Variants in ANKRD36 observed in about 807,000 individuals in gnomAD.
ANKRD36 encodes the protein ankyrin repeat domain-containing protein 36A.
ANKRD36 carries 179 observed loss-of-function variants against 278.1 expected under a neutral mutation model. The observed-to-expected ratio is 0.64, with a 90% CI of 0.57 to 0.73. ANKRD36 has a LOEUF of 0.73. ANKRD36 is among the 30% of genes least tolerant of loss of function. The pLI, the probability that ANKRD36 is intolerant of heterozygous loss-of-function variation, is 0.00. For synonymous variants in ANKRD36, 320 were observed against 641.1 expected (o/e 0.50, Z 7.57); for missense variants, 1,159 against 1,956.7 (o/e 0.59, Z 7.69).
intron 66 of ANKRD36, among the ~76,000 whole-genome samples, 172 bp from the exon 67 acceptor site, chr2:97,224,634 T>C (rs2068822698): frequency 6.6e-6 from 1 of 152,040 alleles, no homozygotes; most frequent in African/African-American, 2.4e-5. Context: ...TATTTTTTAG[T>C]AGAGACGAGG....
At chr2:97,205,622 T>G (rs546618455) in intron 50 of ANKRD36, among the ~76,000 whole-genome samples, 3 of 151,626 alleles carry the variant, frequency 2.0e-5, no homozygotes, top group Non-Finnish European at 4.4e-5. Context: ...GGTGTGTGAG[T>G]TGCTCCTCTG....
chr2:97,221,782 A>C (rs1291799756), intron 66 of ANKRD36, among the ~76,000 whole-genome samples: 1 of 147,900 alleles, frequency 6.8e-6, no homozygotes, highest in Admixed American at 6.8e-5. Flanking sequence ...CTTTAGTTTA[A>C]TTAGATCCCA....
chr2:97,164,625 T>C (rs1188117918), intron 20 of ANKRD36, among the ~76,000 whole-genome samples, 156 bp downstream of exon 20: 4 of 152,304 alleles, frequency 2.6e-5, no homozygotes, highest in African/African-American at 9.6e-5. Flanking sequence ...TATAAAATGA[T>C]TTTTAAGGCA....
chr2:97,156,359 C>A lies in ANKRD36; in HGVS notation c.1260+1618C>A, dbSNP rs2047434065. Among the ~76,000 whole-genome samples the A allele has an allele frequency of 2.1e-5, 3 of 144,440 alleles. No homozygotes were observed. In the South Asian group the frequency reaches 6.5e-4, roughly 31 times the overall value. The allele number at this position is 144,440 out of a possible 152,430, so 94.8% of individuals were successfully genotyped here. On this transcript the variant is annotated intron_variant, in intron 15 of 75. Transcript: ENST00000420699. ...AGCATCAGGTATATCTCCCAATGCT[C>A]TCCCTCCCCCCTACCCCCACCCCAC...
chr2:97,170,513 A>G (rs1271010838), intron 22 of ANKRD36, among the ~76,000 whole-genome samples: 1 of 152,008 alleles, frequency 6.6e-6, no homozygotes, highest in Non-Finnish European at 1.5e-5. Context: ...CATATGTAGA[A>G]AGCTGAAACT....
intron 44 of ANKRD36, among the ~76,000 whole-genome samples, chr2:97,199,707 AACTAGTGGAT>A (rs2060777734): frequency 6.6e-6 from 1 of 151,912 alleles, no homozygotes. Context: ...CGGAAGGGTA[AACTAGTGGAT>A]ACAAGAAACT....
intron 6 of ANKRD36, among the ~76,000 whole-genome samples, chr2:97,139,303 T>TA (rs572429128): frequency 6.6e-6 from 1 of 151,838 alleles, no homozygotes; most frequent in East Asian, 1.9e-4. Context: ...AATTTTTTTT[T>TA]AAAAAAAGAA....
At chr2:97,184,555 T>G (rs540298832) in intron 28 of ANKRD36, among the ~76,000 whole-genome samples, 6 of 151,726 alleles carry the variant, frequency 4.0e-5, no homozygotes, top group Non-Finnish European at 7.4e-5. Flanking sequence ...TGGACTGATA[T>G]CCAAATGTAA....
At chr2:97,205,224 G>A (rs11894782) in intron 50 of ANKRD36, among the ~76,000 whole-genome samples, 26,663 of 150,758 alleles carry the variant, frequency 0.18, 2,895 homozygotes, top group African/African-American at 0.37. Context: ...GTAGAAATAT[G>A]TCAAAATTGA....
intron 67 of ANKRD36, 124 bp from the exon 68 acceptor site, chr2:97,233,606 A>T (rs1301525723): frequency 6.6e-7 from 1 of 1,509,264 alleles, no homozygotes; most frequent in African/African-American, 1.4e-5. Flanking sequence ...CTTAAAAAAA[A>T]AGTACGGAAC....
intron 58 of ANKRD36, chr2:97,212,670 T>C (rs1024011981): frequency 6.5e-6 from 1 of 154,834 alleles, no homozygotes; most frequent in Non-Finnish European, 1.4e-5. Flanking sequence ...CTTATTAATA[T>C]CTAATGCTTG....
In ANKRD36 at chr2:97,158,121, A is replaced by T; in HGVS notation, c.1275A>T (p.Pro425=). 2 of 1,513,602 alleles carry T rather than the reference A, an allele frequency of 1.3e-6. No homozygotes were observed. Among genetic ancestry groups the T allele is most frequent in the South Asian group, 2.4e-5 (2 of 83,434 alleles). The allele number at this position is 1,513,602 out of a possible 1,614,324, so 93.8% of individuals were successfully genotyped here. A position where few individuals can be genotyped will look rare whatever the true frequency, so the allele number is the denominator to read the frequency against. ...GTGTCTTCTAGAATATTTCAGAACC[A>T]TACTTTACGAACAGAAGGACTATTT... ...FALESENISE[P]YFTNRRTISQ... is the part of the protein sequence containing the mutation. The change falls in exon 16 of 76, where the codon CCA becomes CCT. Residue 425 remains proline (P), a synonymous_variant. Coordinates refer to ENST00000420699, the MANE Select transcript of ANKRD36 (RefSeq NM_001354587.1).
At chr2:97,217,942 A>G (rs2066406061) in intron 64 of ANKRD36, among the ~76,000 whole-genome samples, 2 of 151,872 alleles carry the variant, frequency 1.3e-5, no homozygotes, top group African/African-American at 4.8e-5. Flanking sequence ...ATGCATTTTG[A>G]ATATTTGCAT....
At chr2:97,190,898 G>A in intron 34 of ANKRD36, 80 bp from the exon 35 acceptor site, 1 of 1,562,562 alleles carries the variant, frequency 6.4e-7, no homozygotes, top group Non-Finnish European at 8.7e-7. Flanking sequence ...GATACAGCTG[G>A]ATGCTAACAC....
chr2:97,126,737 G>T, intron 5 of ANKRD36, among the ~76,000 whole-genome samples: 1 of 151,750 alleles, frequency 6.6e-6, no homozygotes. Context: ...AGAAGACATT[G>T]TGCCTAAGAG....
intron 64 of ANKRD36, 74 bp downstream of exon 64, chr2:97,217,446 G>A: frequency 6.5e-7 from 1 of 1,538,970 alleles, no homozygotes; most frequent in Non-Finnish European, 8.7e-7. Context: ...GAATAGATCA[G>A]CAGGGTGCTC....
chr2:97,156,949 AT>A (rs2047614615), intron 15 of ANKRD36, among the ~76,000 whole-genome samples: 1 of 151,664 alleles, frequency 6.6e-6, no homozygotes, highest in Admixed American at 6.6e-5. Flanking sequence ...GGTGGTCTTG[AT>A]TTGCATTTCT....
Position 97,118,368 on chromosome 2 carries a change from T to C in ANKRD36, c.337T>C (p.Cys113Arg). The C allele has an allele frequency of 6.2e-7, 1 of 1,609,720 alleles. No homozygotes were observed. The highest frequency in any genetic ancestry group is 8.5e-7 in the Non-Finnish European group (1 of 1,178,360). The stretch of plus-strand genomic sequence containing the variant: ...GGCTGTACAACTGAGGCAGGAGGCT[T>C]GTGCAACTCTTCTGCTGCAAAATGG... Reference protein sequence around the residue: ...IKAVQLRQEACATLLLQNGAN... With the variant: ...IKAVQLRQEARATLLLQNGAN... Residue 113 changes from cysteine (C) to arginine (R), a missense_variant, in exon 3 of 76, where the codon TGT (cysteine) becomes CGT (arginine). Coordinates refer to ENST00000420699, the MANE Select transcript of ANKRD36 (RefSeq NM_001354587.1).
intron 40 of ANKRD36, among the ~76,000 whole-genome samples, chr2:97,195,645 T>C (rs1272371354): frequency 6.6e-6 from 1 of 152,012 alleles, no homozygotes; most frequent in African/African-American, 2.4e-5. Flanking sequence ...AACTTGAATA[T>C]GAATATGGTG....
Sources: gnomAD v4.1 joint callset for allele counts (sites outside exome capture counted in the v4.1 genomes callset) on GRCh38, gnomAD v4.1.1 for gene constraint, MANE v1.5 for transcripts, NCBI Gene and HGNC (gene_info 2026-07-23, HGNC 2026-07-21) for gene names.